The following MRTFA variants were observed in gnomAD, a reference collection of about 807,000 sequenced individuals.
MRTFA encodes the protein myocardin-related transcription factor A.
MRTFA carries 20 observed loss-of-function variants against 83.5 expected under a neutral mutation model. That is an observed-to-expected ratio of 0.24 (90% CI 0.17 to 0.35). The LOEUF (loss-of-function observed/expected upper bound fraction) is 0.35, where lower values mean the gene tolerates loss of function less well. MRTFA is among the 10% of genes least tolerant of loss of function. MRTFA has a pLI of 1.00. For missense variants in MRTFA, 1,200 were observed against 1,224.7 expected (o/e 0.98, Z 0.30); for synonymous variants, 659 against 541.2 (o/e 1.22, Z -3.02).
intron 2 of MRTFA, among the ~76,000 whole-genome samples, chr22:40,591,771 A>C (rs976457722): frequency 1.3e-5 from 2 of 152,262 alleles, no homozygotes; most frequent in African/African-American, 4.8e-5. Context: ...TCACTAAACC[A>C]TAAAAAGGAA....
chr22:40,521,037 A>G (rs1013369651), intron 3 of MRTFA, among the ~76,000 whole-genome samples: 2 of 151,978 alleles, frequency 1.3e-5, no homozygotes, highest in African/African-American at 4.8e-5. Context: ...AAGAAATAAT[A>G]AACAGCTCAT....
chr22:40,464,326 A>C lies in MRTFA; in HGVS notation c.242-1040T>G, dbSNP rs867095378. On this transcript the variant is annotated intron_variant, in intron 3 of 14. Transcript: ENST00000355630. ...TGTCTCAGGAAAAAAAAAAAAAAAA[A>C]AAAAAACAACTATCTTTCTTTCAAA... Among the ~76,000 whole-genome samples the C allele has an allele frequency of 3.1e-3, 470 of 150,954 alleles. 1 individual carries two copies. Among genetic ancestry groups the C allele is most frequent in the Non-Finnish European group, 5.1e-3 (345 of 67,712 alleles).
intron 8 of MRTFA, 68 bp from the exon 9 acceptor site, chr22:40,423,753 C>A: frequency 1.4e-6 from 2 of 1,399,164 alleles, no homozygotes; most frequent in Non-Finnish European, 1.9e-6. Flanking sequence ...CTGCCCTGAC[C>A]CTACACAGGG....
intron 3 of MRTFA, among the ~76,000 whole-genome samples, chr22:40,521,215 C>T (rs758913695): frequency 1.3e-5 from 2 of 152,074 alleles, no homozygotes; most frequent in Non-Finnish European, 2.9e-5. Flanking sequence ...TTTCCATCAC[C>T]CTGAGGATCC....
At chr22:40,459,768 G>A (rs1369031249) in intron 4 of MRTFA, among the ~76,000 whole-genome samples, 1 of 125,102 alleles carries the variant, frequency 8.0e-6, no homozygotes, top group African/African-American at 3.1e-5. Context: ...ACTGGGGACG[G>A]GACTGATAAA....
chr22:40,499,803 C>T (rs1170027422), intron 3 of MRTFA, among the ~76,000 whole-genome samples: 8 of 151,658 alleles, frequency 5.3e-5, no homozygotes, highest in Admixed American at 5.3e-4. Context: ...ACTGATTTTA[C>T]TTCAACTTTC....
chr22:40,517,047 C>T (rs1458941638), intron 3 of MRTFA, among the ~76,000 whole-genome samples: 1 of 152,062 alleles, frequency 6.6e-6, no homozygotes. Context: ...CCCAGCCTCC[C>T]AAGCAGCTGG....
chr22:40,633,798 G>C (rs571741793), intron 1 of MRTFA, among the ~76,000 whole-genome samples: 4 of 152,006 alleles, frequency 2.6e-5, no homozygotes, highest in Non-Finnish European at 2.9e-5. Flanking sequence ...ACTTGCAATA[G>C]ATGTAGTAAA....
chr22:40,510,356 G>A (rs907397482), intron 3 of MRTFA, among the ~76,000 whole-genome samples: 6 of 152,030 alleles, frequency 3.9e-5, no homozygotes, highest in African/African-American at 1.4e-4. Flanking sequence ...GAATATATAA[G>A]GCTGATCACA....
At chr22:40,476,311 G>C (rs1298380881) in intron 3 of MRTFA, among the ~76,000 whole-genome samples, 1 of 152,150 alleles carries the variant, frequency 6.6e-6, no homozygotes, top group Non-Finnish European at 1.5e-5. Context: ...AGATACGAAA[G>C]AGAAGACAGA....
At chr22:40,605,960 T>G (rs771563691) in intron 1 of MRTFA, among the ~76,000 whole-genome samples, 4 of 152,212 alleles carry the variant, frequency 2.6e-5, no homozygotes, top group African/African-American at 7.2e-5. Context: ...AGCTTCTTGA[T>G]TGAAAGGAAA....
intron 3 of MRTFA, among the ~76,000 whole-genome samples, chr22:40,477,369 TA>T (rs1032040417): frequency 6.7e-6 from 1 of 150,038 alleles, no homozygotes; most frequent in Non-Finnish European, 1.5e-5. Flanking sequence ...ATAATAATAA[TA>T]AAAAAAAGAA....
intron 3 of MRTFA, among the ~76,000 whole-genome samples, chr22:40,502,994 C>A (rs1018274257): frequency 4.6e-5 from 7 of 152,160 alleles, no homozygotes; most frequent in Non-Finnish European, 8.8e-5. Context: ...CCCCCTTCCC[C>A]AATACACCCA....
chr22:40,588,705 G>A (rs970742103), intron 2 of MRTFA, among the ~76,000 whole-genome samples: 1 of 152,210 alleles, frequency 6.6e-6, no homozygotes, highest in Admixed American at 6.5e-5. Flanking sequence ...GTCTGGGCCA[G>A]ATGTATTGGC....
chr22:40,412,071 T>TGTG, intron 14 of MRTFA, 164 bp from the exon 15 acceptor site: 1 of 505,818 alleles, frequency 2.0e-6, no homozygotes, highest in Non-Finnish European at 3.2e-6. Context: ...TCTTTAAAAA[T>TGTG]ATTTGCAAAT....
At chr22:40,590,592 A>AGGAGGC (rs532540877) in intron 2 of MRTFA, among the ~76,000 whole-genome samples, 8 of 150,022 alleles carry the variant, frequency 5.3e-5, no homozygotes, top group Admixed American at 2.0e-4. Context: ...GCTTGAACCC[A>AGGAGGC]GGAGGCGGAG....
chr22:40,562,078 G>A (rs1025555201), intron 2 of MRTFA, among the ~76,000 whole-genome samples: 5 of 152,066 alleles, frequency 3.3e-5, no homozygotes, highest in Admixed American at 1.3e-4. Context: ...TTAGCCGGAC[G>A]TGGTGGTGGG....
chr22:40,463,897 T>C (rs992796140), intron 3 of MRTFA, among the ~76,000 whole-genome samples: 28 of 152,186 alleles, frequency 1.8e-4, no homozygotes, highest in African/African-American at 6.8e-4. Context: ...TTCAGCTAGA[T>C]GACTCAAAGC....
At chr22:40,621,103 C>A (rs548006981) in intron 1 of MRTFA, among the ~76,000 whole-genome samples, 1 of 151,740 alleles carries the variant, frequency 6.6e-6, no homozygotes, top group Admixed American at 6.6e-5. Flanking sequence ...ATTGCTTGAG[C>A]CCCAGGAGAT....
Sources: gnomAD v4.1 joint callset for allele counts (sites outside exome capture counted in the v4.1 genomes callset) on GRCh38, gnomAD v4.1.1 for gene constraint, MANE v1.5 for transcripts, NCBI Gene and HGNC (gene_info 2026-07-23, HGNC 2026-07-21) for gene names.